The following ATP9A variants were observed in gnomAD, a reference collection of about 807,000 sequenced individuals.
ATP9A encodes probable phospholipid-transporting ATPase IIA.
Under a neutral mutation model 144.1 loss-of-function variants are expected in ATP9A, and 52 were observed. That is an observed-to-expected ratio of 0.36 (90% confidence interval 0.29 to 0.45). The LOEUF (loss-of-function observed/expected upper bound fraction) is 0.45, where lower values mean the gene tolerates loss of function less well. ATP9A is among the 20% of genes least tolerant of loss of function. The pLI is 1.00. For synonymous variants in ATP9A, 582 were observed against 557.4 expected (o/e 1.04, Z -0.62); for missense variants, 947 against 1,392.7 (o/e 0.68, Z 5.09).
At chr20:51,620,974 C>T (rs2077224509) in intron 19 of ATP9A, among the ~76,000 whole-genome samples, 1 of 151,918 alleles carries the variant, frequency 6.6e-6, no homozygotes, top group South Asian at 2.1e-4. Context: ...ATGGTGAAAC[C>T]CGTCTCTACT....
intron 16 of ATP9A, among the ~76,000 whole-genome samples, chr20:51,628,530 G>A (rs188766564): frequency 1.3e-5 from 2 of 152,324 alleles, no homozygotes; most frequent in East Asian, 1.9e-4. Flanking sequence ...TGCTCTCTTT[G>A]TTGAAGCTAG....
chr20:51,747,473 T>C (rs577830741), intron 1 of ATP9A, among the ~76,000 whole-genome samples: 34 of 152,126 alleles, frequency 2.2e-4, no homozygotes, highest in Admixed American at 7.9e-4. Flanking sequence ...TAGAGACATA[T>C]ACACTCCAGG....
chr20:51,718,814 C>CAAAAAAAAAAA (rs71192550), intron 3 of ATP9A, among the ~76,000 whole-genome samples: 32 of 57,688 alleles, frequency 5.5e-4, no homozygotes, highest in African/African-American at 1.2e-3. Flanking sequence ...GACTCCATCT[C>CAAAAAAAAAAA]AAAAAAAAAA....
intron 1 of ATP9A, among the ~76,000 whole-genome samples, chr20:51,741,043 T>C (rs2077782973): frequency 6.6e-6 from 1 of 151,734 alleles, no homozygotes; most frequent in Non-Finnish European, 1.5e-5. Context: ...ATTTAATTAA[T>C]TAAAAATAAA....
chr20:51,629,295 GA>G (rs2077261744), intron 15 of ATP9A, among the ~76,000 whole-genome samples: 1 of 152,220 alleles, frequency 6.6e-6, no homozygotes, highest in East Asian at 1.9e-4. Context: ...AATGATGAAA[GA>G]AAGATCAAAT....
At chr20:51,761,934 A>G (rs2122921901) in intron 1 of ATP9A, among the ~76,000 whole-genome samples, 1 of 152,018 alleles carries the variant, frequency 6.6e-6, no homozygotes, top group South Asian at 2.1e-4. Flanking sequence ...AACTCTTCCA[A>G]CTTCTAGAGT....
chr20:51,762,390 G>A (rs926560822), intron 1 of ATP9A, among the ~76,000 whole-genome samples: 4 of 151,998 alleles, frequency 2.6e-5, no homozygotes, highest in Admixed American at 1.3e-4. Context: ...CAGCTACTCC[G>A]GAGGCTGGGG....
intron 26 of ATP9A, among the ~76,000 whole-genome samples, chr20:51,606,939 C>A (rs1051347614): frequency 6.7e-6 from 1 of 150,214 alleles, no homozygotes. Flanking sequence ...TATATAAAAT[C>A]TATTATGTGC....
intron 4 of ATP9A, among the ~76,000 whole-genome samples, chr20:51,698,940 A>C (rs2077581806): frequency 6.6e-6 from 1 of 152,218 alleles, no homozygotes; most frequent in South Asian, 2.1e-4. Flanking sequence ...TATTCTGGTG[A>C]TAGGTGAAAT....
At chr20:51,700,278 T>C (rs546303715) in intron 4 of ATP9A, among the ~76,000 whole-genome samples, 2 of 152,166 alleles carry the variant, frequency 1.3e-5, no homozygotes, top group African/African-American at 4.8e-5. Flanking sequence ...CTCAGCACTT[T>C]GGGAGGCTGA....
chr20:51,664,771 G>C (rs1414829808), intron 13 of ATP9A, among the ~76,000 whole-genome samples: 1 of 151,650 alleles, frequency 6.6e-6, no homozygotes, highest in South Asian at 2.1e-4. Flanking sequence ...CCAGGTTGGA[G>C]TGCAGTGACG....
chr20:51,685,051 T>G (rs1206919324), intron 9 of ATP9A, among the ~76,000 whole-genome samples: 1 of 149,148 alleles, frequency 6.7e-6, no homozygotes, highest in Non-Finnish European at 1.5e-5. Context: ...TACAAATAAA[T>G]AGTAAACATA....
intron 3 of ATP9A, among the ~76,000 whole-genome samples, chr20:51,715,557 C>G (rs1201755258): frequency 1.3e-5 from 2 of 152,192 alleles, no homozygotes; most frequent in African/African-American, 4.8e-5. Context: ...TGTGCTCATA[C>G]AAAGACAGGA....
At chr20:51,670,852 G>A (rs1316931978) in intron 12 of ATP9A, among the ~76,000 whole-genome samples, 1 of 152,096 alleles carries the variant, frequency 6.6e-6, no homozygotes, top group Admixed American at 6.6e-5. Flanking sequence ...CTGTGGAAGC[G>A]GGACAGAAAC....
At chr20:51,680,979 G>C (rs559009615) in intron 9 of ATP9A, among the ~76,000 whole-genome samples, 53 of 152,194 alleles carry the variant, frequency 3.5e-4, no homozygotes, top group Middle Eastern at 3.4e-3. Context: ...CGAGCACACA[G>C]AGAGGAATTC....
At chr20:51,609,653 C>T (rs1471520209) in intron 24 of ATP9A, among the ~76,000 whole-genome samples, 2 of 152,166 alleles carry the variant, frequency 1.3e-5, no homozygotes, top group African/African-American at 4.8e-5. Context: ...CTTGCACATC[C>T]CCGAGGCAGT....
At chr20:51,644,095 A>G (rs1337245968) in intron 14 of ATP9A, among the ~76,000 whole-genome samples, 1 of 152,086 alleles carries the variant, frequency 6.6e-6, no homozygotes, top group Non-Finnish European at 1.5e-5. Flanking sequence ...GGATGGCGCC[A>G]TTGCACTTCA....
chr20:51,640,884 G>A (rs1352368035), intron 14 of ATP9A, among the ~76,000 whole-genome samples: 2 of 152,072 alleles, frequency 1.3e-5, no homozygotes, highest in Admixed American at 1.3e-4. Context: ...AGTTTCTCAA[G>A]AAAAAACAGA....
At position 51,625,258 on chromosome 20, in the gene ATP9A, G is replaced by A. The variant is rs1406535297; in HGVS notation, c.1950C>T (p.Gly650=). 16 of 1,614,010 alleles carry A rather than the reference G, an allele frequency of 9.9e-6. No individual in the cohort carries two copies. The highest frequency in any genetic ancestry group is 1.3e-5 in the Non-Finnish European group (15 of 1,180,018). The change falls in exon 18 of 28, where the codon GGC becomes GGT. Residue 650 remains glycine, a synonymous_variant. Transcript: ENST00000338821. ...EMEMELLCLT[G]VEDQLQADVR... is the part of the protein sequence containing the mutation. ...CATCTGCCTGCAGCTGGTCCTCCAC[G>A]CCCGTCAGGCACAGCAGTTCCATCT...
Sources: allele counts gnomAD v4.1 joint callset (sites outside exome capture counted in the v4.1 genomes callset), GRCh38; gene constraint gnomAD v4.1.1; transcripts MANE v1.5; gene names NCBI Gene and HGNC (gene_info 2026-07-23, HGNC 2026-07-21).